HDAC9: variants seen among roughly 807,000 people sequenced by gnomAD.
HDAC9 encodes histone deacetylase 9.
In HDAC9, 41 loss-of-function variants were observed where a neutral mutation model predicts 139.4. The ratio of observed to expected loss-of-function variants is 0.29; its 90% CI spans 0.23 to 0.38. The LOEUF (loss-of-function observed/expected upper bound fraction) is 0.38. Among genes scored for constraint, HDAC9 ranks in the 10% least tolerant of loss-of-function variants. The pLI is 1.00. For missense variants in HDAC9, 1,147 were observed against 1,297.0 expected (o/e 0.88, Z 1.78); for synonymous variants, 517 against 476.2 (o/e 1.09, Z -1.12).
At chr7:18,095,414 T>C (rs2128063561) in intron 1 of HDAC9, among the ~76,000 whole-genome samples, 1 of 152,326 alleles carries the variant, frequency 6.6e-6, no homozygotes, top group Non-Finnish European at 1.5e-5. Flanking sequence ...TCCTTATATT[T>C]TTGAAATATA....
intron 1 of HDAC9, among the ~76,000 whole-genome samples, chr7:18,316,096 G>C (rs1253650427): frequency 1.3e-5 from 2 of 152,138 alleles, no homozygotes; most frequent in African/African-American, 4.8e-5. Flanking sequence ...AAAATGTTAA[G>C]TACCTGTGAA....
At chr7:18,490,576 T>C (rs2128134401) in intron 1 of HDAC9, among the ~76,000 whole-genome samples, 1 of 152,162 alleles carries the variant, frequency 6.6e-6, no homozygotes, top group South Asian at 2.1e-4. Flanking sequence ...TAATTAGGCT[T>C]TCTAAGTGGG....
chr7:18,434,230 G>A (rs1790960623), intron 1 of HDAC9, among the ~76,000 whole-genome samples: 1 of 152,150 alleles, frequency 6.6e-6, no homozygotes, highest in Non-Finnish European at 1.5e-5. Context: ...ATTGAAACTC[G>A]ACCCCTTCCT....
At chr7:18,819,061 C>T (rs1174787296) in intron 17 of HDAC9, among the ~76,000 whole-genome samples, 1 of 152,122 alleles carries the variant, frequency 6.6e-6, no homozygotes. Context: ...GGGTGGATCA[C>T]TTGAAGTCAG....
At chr7:18,395,806 A>G (rs75899093) in intron 1 of HDAC9, among the ~76,000 whole-genome samples, 3,825 of 152,140 alleles carry the variant, frequency 0.025, 161 homozygotes, top group African/African-American at 0.086. Flanking sequence ...CTTTAATTTT[A>G]CCTCAAAAAG....
chr7:18,723,461 C>G (rs1160138074), intron 12 of HDAC9, among the ~76,000 whole-genome samples: 1 of 152,102 alleles, frequency 6.6e-6, no homozygotes, highest in Non-Finnish European at 1.5e-5. Flanking sequence ...AGGACTGTTG[C>G]CTTTTGGTTG....
At chr7:18,790,576 T>G (rs560878457) in intron 16 of HDAC9, among the ~76,000 whole-genome samples, 1 of 152,344 alleles carries the variant, frequency 6.6e-6, no homozygotes, top group African/African-American at 2.4e-5. Context: ...TATGGCAACC[T>G]GAATGGACAA....
chr7:18,993,682 A>T (rs368016642), intron 25 of HDAC9, among the ~76,000 whole-genome samples: 3 of 152,046 alleles, frequency 2.0e-5, no homozygotes, highest in Admixed American at 6.6e-5. Context: ...ACATGCCTGT[A>T]GTCTCAGCTA....
At chr7:18,305,313 A>T (rs1798836635) in intron 1 of HDAC9, among the ~76,000 whole-genome samples, 1 of 152,212 alleles carries the variant, frequency 6.6e-6, no homozygotes, top group African/African-American at 2.4e-5. Context: ...CCGGTGCCTG[A>T]CACATAGCAG....
chr7:18,311,315 T>C (rs1799304425), intron 1 of HDAC9, among the ~76,000 whole-genome samples: 1 of 152,052 alleles, frequency 6.6e-6, no homozygotes, highest in African/African-American at 2.4e-5. Flanking sequence ...TATACTTCCT[T>C]TATGTATATA....
At chr7:18,555,287 C>G (rs1035979802) in intron 2 of HDAC9, among the ~76,000 whole-genome samples, 6 of 152,084 alleles carry the variant, frequency 3.9e-5, no homozygotes, top group African/African-American at 1.4e-4. Context: ...GGAAACAATT[C>G]TAATTATAGA....
intron 12 of HDAC9, among the ~76,000 whole-genome samples, chr7:18,717,258 T>G (rs959356245): frequency 1.3e-5 from 2 of 152,072 alleles, no homozygotes; most frequent in African/African-American, 4.8e-5. Flanking sequence ...TTAATCCAGC[T>G]TCCCTGAACT....
chr7:18,644,575 C>A (rs1786758449), intron 8 of HDAC9, 96 bp from the exon 9 acceptor site: 1 of 943,554 alleles, frequency 1.1e-6, no homozygotes, highest in South Asian at 2.8e-5. Context: ...AAAATCTTTT[C>A]TTAATTATGG....
chr7:18,444,398 G>C (rs12669652), intron 1 of HDAC9, among the ~76,000 whole-genome samples: 5,051 of 131,620 alleles, frequency 0.038, 108 homozygotes, highest in African/African-American at 0.073. Context: ...CAATAATGAA[G>C]TACATGTCTC....
Position 18,478,588 on chromosome 7 carries a change from A to AAAAGAAAAGAGGAAGAT in HDAC9, c.-41-17670_-41-17654dup, listed in dbSNP as rs1294822277. 2.6e-5 allele frequency among the ~76,000 whole-genome samples: 4 copies of AAAAGAAAAGAGGAAGAT among 152,366 alleles called. No homozygotes were observed. The East Asian group carries it at 7.7e-4, about 29-fold the overall frequency. ...AATACATTTAGTTTAAATTAAATAG[A>AAAAGAAAAGAGGAAGAT]AAAGAAAAGAGGAAGATAAATTTAG... On this transcript the variant is annotated intron_variant, in intron 1 of 3. Coordinates refer to the HDAC9 transcript ENST00000413509.
chr7:18,899,977 T>C (rs1421334025), intron 22 of HDAC9, among the ~76,000 whole-genome samples: 1 of 152,132 alleles, frequency 6.6e-6, no homozygotes, highest in African/African-American at 2.4e-5. Context: ...AGAAAGATGA[T>C]AGATTTCTCT....
intron 23 of HDAC9, among the ~76,000 whole-genome samples, chr7:18,952,476 G>A (rs569840024): frequency 6.6e-6 from 1 of 152,046 alleles, no homozygotes; most frequent in African/African-American, 2.4e-5. Context: ...TCATCGCTTT[G>A]TGCTTTTGTT....
chr7:18,307,443 A>G (rs1562861517), intron 1 of HDAC9, among the ~76,000 whole-genome samples: 1 of 152,178 alleles, frequency 6.6e-6, no homozygotes, highest in Non-Finnish European at 1.5e-5. Flanking sequence ...TCTTGTTACC[A>G]TGTCATTTTC....
chr7:18,700,804 C>G (rs575223996), intron 12 of HDAC9, among the ~76,000 whole-genome samples: 1 of 152,300 alleles, frequency 6.6e-6, no homozygotes, highest in South Asian at 2.1e-4. Context: ...GGGCATGGCA[C>G]AAGTGCTCCC....
Sources: allele counts gnomAD v4.1 joint callset (sites outside exome capture counted in the v4.1 genomes callset), GRCh38; gene constraint gnomAD v4.1.1; transcripts MANE v1.5; gene names NCBI Gene and HGNC (gene_info 2026-07-23, HGNC 2026-07-21).